Variants in RNF180 observed in about 807,000 individuals in gnomAD.
RNF180 encodes E3 ubiquitin-protein ligase RNF180.
In RNF180, 38 loss-of-function variants were observed where a neutral mutation model predicts 59.2. That is an observed-to-expected ratio of 0.64 (90% CI 0.50 to 0.84). RNF180 has a LOEUF of 0.84. Among genes scored for constraint, RNF180 ranks in the 40% least tolerant of loss-of-function variants. The probability of loss-of-function intolerance (pLI) is 0.00; values close to 1 mark genes in which losing one functional copy is unlikely to be tolerated. For missense variants in RNF180, 705 were observed against 700.9 expected, an observed-to-expected ratio of 1.01 and a Z score of -0.07; for synonymous variants, 262 against 240.3, an observed-to-expected ratio of 1.09 and a Z score of -0.84.
At chr5:64,262,977 A>T (rs1744433395) in intron 5 of RNF180, among the ~76,000 whole-genome samples, 1 of 152,180 alleles carries the variant, frequency 6.6e-6, no homozygotes, top group Non-Finnish European at 1.5e-5. Context: ...TCCCAACAAG[A>T]TGTAAAATAG....
At position 64,369,645 on chromosome 5, in the gene RNF180, G is replaced by C. The variant is rs1373263903; in HGVS notation, c.1610G>C (p.Arg537Thr). The C allele has an allele frequency of 3.3e-6, 5 of 1,526,354 alleles. No individual in the cohort carries two copies. The highest frequency in any genetic ancestry group is 4.4e-6 in the Non-Finnish European group (5 of 1,138,916). The allele number at this position is 1,526,354 out of a possible 1,614,324, so 94.6% of individuals were successfully genotyped here. A position where few individuals can be genotyped will look rare whatever the true frequency, so the allele number is the denominator to read the frequency against. Residue 537 changes from arginine to threonine, a missense_variant, in exon 8 of 8, where the codon AGA becomes ACA. By Grantham distance (71) the Arg-to-Thr change is moderately conservative. Transcript: ENST00000389100. ...CGCAGACATGCAGCTCCAGTTACAA[G>C]AAGGCAGTTCCCACACGGTGCACAC... Reference protein sequence around the residue: ...GFRRHAAPVTRRQFPHGAHRM... With the variant: ...GFRRHAAPVTTRQFPHGAHRM...
chr5:64,311,936 G>T (rs1218835971), intron 5 of RNF180, among the ~76,000 whole-genome samples: 1 of 151,992 alleles, frequency 6.6e-6, no homozygotes, highest in Non-Finnish European at 1.5e-5. Context: ...TATTATGCAA[G>T]AGCCACTGGA....
chr5:64,303,767 C>T (rs572061005), intron 5 of RNF180, among the ~76,000 whole-genome samples: 3 of 151,610 alleles, frequency 2.0e-5, no homozygotes, highest in Non-Finnish European at 4.4e-5. Context: ...AGAAGCTGCA[C>T]CAAGTTATCT....
intron 2 of RNF180, among the ~76,000 whole-genome samples, chr5:64,203,456 T>A (rs1399354674): frequency 6.6e-6 from 1 of 152,132 alleles, no homozygotes; most frequent in Non-Finnish European, 1.5e-5. Flanking sequence ...CCCCATAAAG[T>A]TTCCTCAGGC....
chr5:64,209,087 A>G (rs1752174334), intron 2 of RNF180, among the ~76,000 whole-genome samples: 1 of 152,068 alleles, frequency 6.6e-6, no homozygotes, highest in Non-Finnish European at 1.5e-5. Context: ...ATAGTATTTT[A>G]TATGGCATAA....
intron 5 of RNF180, among the ~76,000 whole-genome samples, chr5:64,308,702 A>C (rs891536766): frequency 2.0e-5 from 3 of 151,734 alleles, no homozygotes; most frequent in African/African-American, 4.8e-5. Flanking sequence ...AAAAATATAA[A>C]GGGGGATTTT....
chr5:64,304,619 A>T (rs1743337494), intron 5 of RNF180, among the ~76,000 whole-genome samples: 1 of 151,702 alleles, frequency 6.6e-6, no homozygotes, highest in Non-Finnish European at 1.5e-5. Context: ...CAATCTCATG[A>T]TACAATTTGA....
chr5:64,234,377 A>C (rs949356520), intron 5 of RNF180, among the ~76,000 whole-genome samples: 5 of 151,764 alleles, frequency 3.3e-5, no homozygotes, highest in African/African-American at 1.2e-4. Flanking sequence ...GAGGCAGGAG[A>C]ATCGCGTGAA....
At chr5:64,248,307 A>G (rs1169428160) in intron 5 of RNF180, among the ~76,000 whole-genome samples, 14 of 152,242 alleles carry the variant, frequency 9.2e-5, no homozygotes. Flanking sequence ...AACTATGATC[A>G]GAGTGAACAG....
chr5:64,289,839 T>C (rs1742480853), intron 5 of RNF180, among the ~76,000 whole-genome samples: 3 of 152,114 alleles, frequency 2.0e-5, no homozygotes. Flanking sequence ...AAAAACCATC[T>C]CTTGGATTTG....
chr5:64,306,452 G>C (rs186671835), intron 5 of RNF180, among the ~76,000 whole-genome samples: 58 of 151,702 alleles, frequency 3.8e-4, no homozygotes, highest in Non-Finnish European at 6.9e-4. Context: ...ATTTTGAAAA[G>C]GGAGGTAAAT....
intron 7 of RNF180, among the ~76,000 whole-genome samples, chr5:64,350,679 G>A (rs539487911): frequency 6.6e-6 from 1 of 151,774 alleles, no homozygotes; most frequent in Admixed American, 6.6e-5. Flanking sequence ...CTTTCCCCAT[G>A]TCTTGTTTTT....
intron 5 of RNF180, among the ~76,000 whole-genome samples, chr5:64,234,889 G>A (rs898286901): frequency 2.6e-5 from 4 of 151,994 alleles, no homozygotes; most frequent in African/African-American, 9.7e-5. Flanking sequence ...GTGAGCCACT[G>A]CGCCCAGCTA....
chr5:64,290,789 C>G (rs765853027), intron 5 of RNF180, among the ~76,000 whole-genome samples: 28 of 152,138 alleles, frequency 1.8e-4, no homozygotes, highest in Non-Finnish European at 3.8e-4. Flanking sequence ...AGATGGGTTT[C>G]TTGAAGACAG....
chr5:64,295,022 T>C (rs957024021), intron 5 of RNF180, among the ~76,000 whole-genome samples: 3 of 152,224 alleles, frequency 2.0e-5, no homozygotes, highest in African/African-American at 7.2e-5. Context: ...AATAGAATCA[T>C]ATGCTATGTA....
At chr5:64,250,247 T>C (rs1275372856) in intron 5 of RNF180, among the ~76,000 whole-genome samples, 2 of 152,048 alleles carry the variant, frequency 1.3e-5, no homozygotes, top group African/African-American at 2.4e-5. Flanking sequence ...AAAGGGAAAT[T>C]TAAAAAATTG....
At chr5:64,172,389 C>A (rs1489653561) in intron 1 of RNF180, among the ~76,000 whole-genome samples, 1 of 152,016 alleles carries the variant, frequency 6.6e-6, no homozygotes, top group Non-Finnish European at 1.5e-5. Flanking sequence ...CCACCCCCCA[C>A]AAGGAATGGG....
chr5:64,174,959 CTTTTTTTTTTTTTT>C (rs370660214), intron 1 of RNF180, among the ~76,000 whole-genome samples: 2,419 of 84,782 alleles, frequency 0.029, 42 homozygotes, highest in Non-Finnish European at 0.039. Flanking sequence ...TAATCCAGTT[CTTTTTTTTTTTTTT>C]TTTTTTTTTT....
chr5:64,349,504 A>C (rs552451109), intron 7 of RNF180, among the ~76,000 whole-genome samples: 1 of 151,614 alleles, frequency 6.6e-6, no homozygotes, highest in Admixed American at 6.6e-5. Context: ...ATATGTATAC[A>C]TGTGCCATGT....
Sources: gnomAD v4.1 joint callset for allele counts (sites outside exome capture counted in the v4.1 genomes callset) on GRCh38, gnomAD v4.1.1 for gene constraint, MANE v1.5 for transcripts, NCBI Gene and HGNC (gene_info 2026-07-23, HGNC 2026-07-21) for gene names.